The following FAT3 variants were observed in gnomAD, a reference collection of about 807,000 sequenced individuals.
FAT3 encodes the protein protocadherin Fat 3.
A neutral mutation model predicts 310.2 loss-of-function variants in FAT3; 95 were observed. The observed-to-expected ratio is 0.31, with a 90% CI of 0.26 to 0.36. The LOEUF (loss-of-function observed/expected upper bound fraction) is 0.36. Ranked by LOEUF, FAT3 falls within the 10% of genes least tolerant of loss-of-function variation. The pLI is 1.00. For missense variants in FAT3, 5,408 were observed against 5,715.6 expected (o/e 0.95, Z 1.74); for synonymous variants, 2,314 against 2,192.9 (o/e 1.06, Z -1.54).
At chr11:92,433,989 C>A (rs747736963) in intron 2 of FAT3, among the ~76,000 whole-genome samples, 16 of 139,940 alleles carry the variant, frequency 1.1e-4, no homozygotes, top group Admixed American at 3.2e-4. Flanking sequence ...GCACTCCTGC[C>A]TGGGCGACAG....
chr11:92,575,102 C>A (rs1259158086), intron 3 of FAT3, among the ~76,000 whole-genome samples: 1 of 151,764 alleles, frequency 6.6e-6, no homozygotes, highest in African/African-American at 2.4e-5. Flanking sequence ...ATTTTTTTTC[C>A]ATTTGTTAGT....
At chr11:92,841,689 C>T (rs1226163574) in intron 18 of FAT3, among the ~76,000 whole-genome samples, 2 of 152,188 alleles carry the variant, frequency 1.3e-5, no homozygotes, top group Non-Finnish European at 2.9e-5. Context: ...CTATCCTCTC[C>T]GGATATGGAG....
chr11:92,229,514 G>GTTTTTTTTTTTTTTTTTTTTTTTTTTT (rs1241053262), intron 1 of FAT3, among the ~76,000 whole-genome samples: 1 of 59,310 alleles, frequency 1.7e-5, no homozygotes, highest in African/African-American at 6.2e-5. Context: ...TTTGTTTTTT[G>GTTTTTTTTTTTTTTTTTTTTTTTTTTT]TTTTTTTTTA....
intron 13 of FAT3, among the ~76,000 whole-genome samples, chr11:92,818,829 G>C (rs1947888047): frequency 6.6e-6 from 1 of 152,188 alleles, no homozygotes; most frequent in Non-Finnish European, 1.5e-5. Context: ...TCTGGAGTTA[G>C]ACCTCCCTGT....
intron 2 of FAT3, among the ~76,000 whole-genome samples, chr11:92,495,756 A>G (rs939762040): frequency 4.6e-5 from 7 of 152,094 alleles, no homozygotes; most frequent in Admixed American, 4.6e-4. Context: ...CATAACATCC[A>G]AAACAAGATC....
At chr11:92,679,399 C>T (rs1176014646) in intron 3 of FAT3, among the ~76,000 whole-genome samples, 2 of 152,020 alleles carry the variant, frequency 1.3e-5, no homozygotes, top group South Asian at 2.1e-4. Flanking sequence ...AATGGCTAAA[C>T]TAATATACAT....
At chr11:92,568,802 C>A (rs1256070462) in intron 3 of FAT3, among the ~76,000 whole-genome samples, 2 of 152,238 alleles carry the variant, frequency 1.3e-5, no homozygotes, top group East Asian at 3.9e-4. Context: ...GCTGAAAGAT[C>A]TTCCCCTCTG....
At chr11:92,439,135 G>T (rs529580409) in intron 2 of FAT3, among the ~76,000 whole-genome samples, 2 of 152,190 alleles carry the variant, frequency 1.3e-5, no homozygotes, top group East Asian at 3.9e-4. Context: ...TGTATTATTG[G>T]ATTCTCTGAT....
chr11:92,490,816 G>A (rs927490840), intron 2 of FAT3, among the ~76,000 whole-genome samples: 3 of 151,962 alleles, frequency 2.0e-5, no homozygotes, highest in Admixed American at 2.0e-4. Context: ...GGAGGAAAGG[G>A]GCTGCTGATC....
At chr11:92,316,616 A>G (rs7940377) in intron 1 of FAT3, among the ~76,000 whole-genome samples, 106 of 152,336 alleles carry the variant, frequency 7.0e-4, no homozygotes, top group African/African-American at 2.4e-3. Context: ...TATGTCAGCA[A>G]AATTAAGCTG....
intron 21 of FAT3, 46 bp downstream of exon 21, chr11:92,859,368 G>A (rs1043722398): frequency 2.1e-6 from 3 of 1,462,254 alleles, no homozygotes; most frequent in African/African-American, 2.9e-5. Context: ...TCTCATGTTA[G>A]TGTTTTGGCT....
Position 92,844,373 on chromosome 11 carries a change from T to G in FAT3, c.11006T>G (p.Phe3669Cys). The G allele has an allele frequency of 6.2e-7, 1 of 1,613,942 alleles. No homozygotes were observed. Among genetic ancestry groups the G allele is most frequent in the Non-Finnish European group, 8.5e-7 (1 of 1,179,892 alleles). Residue 3669 changes from phenylalanine (F) to cysteine (C), a missense_variant, in exon 19 of 28, where the codon TTC becomes TGC. Phe to Cys is a radical substitution (Grantham distance 205, BLOSUM62 -2). This residue lies in a region of FAT3 where 4,588 missense variants were observed against 4,809.8 expected (regional missense o/e 0.95). Transcript: ENST00000525166. ...TTCGTGGGGCTGCACATGCATGGGT[T>G]CCGGCGCACCCTGCGGAATGCAGTC... Reference protein sequence around the residue: ...EDFVGLHMHGFRRTLRNAVLT... With the variant: ...EDFVGLHMHGCRRTLRNAVLT...
At chr11:92,553,676 C>CCTTCCTTCCTTCCTTCCTTCCTTA (rs1954900103) in intron 3 of FAT3, among the ~76,000 whole-genome samples, 1 of 9,082 alleles carries the variant, frequency 1.1e-4, no homozygotes, top group East Asian at 0.024. Context: ...AATCTCCGTC[C>CCTTCCTTCCTTCCTTCCTTCCTTA]CTTCCTTCCT....
intron 2 of FAT3, among the ~76,000 whole-genome samples, chr11:92,431,849 T>C (rs1231583277): frequency 1.3e-5 from 2 of 152,188 alleles, no homozygotes; most frequent in Non-Finnish European, 2.9e-5. Flanking sequence ...TTCTATTCCA[T>C]TGGTCTACAT....
chr11:92,832,954 C>T (rs563387198), intron 14 of FAT3, among the ~76,000 whole-genome samples: 1 of 152,278 alleles, frequency 6.6e-6, no homozygotes, highest in East Asian at 1.9e-4. Context: ...TCATTTCTCA[C>T]CACATCCTTT....
intron 4 of FAT3, among the ~76,000 whole-genome samples, chr11:92,736,653 A>C (rs1945358624): frequency 6.6e-6 from 1 of 152,184 alleles, no homozygotes. Flanking sequence ...TTCTCCAGAA[A>C]GTTCTCAGGC....
intron 3 of FAT3, among the ~76,000 whole-genome samples, chr11:92,694,137 C>T (rs1187288074): frequency 6.6e-6 from 1 of 152,162 alleles, no homozygotes. Context: ...AATTATGCAA[C>T]CATCACCATA....
chr11:92,442,971 C>G (rs1244434940), intron 2 of FAT3, among the ~76,000 whole-genome samples: 1 of 152,148 alleles, frequency 6.6e-6, no homozygotes, highest in Non-Finnish European at 1.5e-5. Flanking sequence ...TATGTAAACC[C>G]CTTTAACAAT....
intron 1 of FAT3, among the ~76,000 whole-genome samples, chr11:92,295,259 C>T (rs756292053): frequency 2.0e-5 from 3 of 152,054 alleles, no homozygotes; most frequent in Non-Finnish European, 2.9e-5. Flanking sequence ...TGAAAAATGT[C>T]GTTCAATTCA....
Sources: gnomAD v4.1 joint callset for allele counts (sites outside exome capture counted in the v4.1 genomes callset) on GRCh38, gnomAD v4.1.1 for gene constraint, gnomAD v4.1.1 regional missense constraint, MANE v1.5 for transcripts, NCBI Gene and HGNC (gene_info 2026-07-23, HGNC 2026-07-21) for gene names.